Variants in TRPC7 observed in about 807,000 individuals in gnomAD.
TRPC7 encodes short transient receptor potential channel 7.
Under a neutral mutation model 90.1 loss-of-function variants are expected in TRPC7, and 42 were observed. The ratio of observed to expected loss-of-function variants is 0.47; its 90% CI spans 0.36 to 0.60. TRPC7 has a LOEUF of 0.60. TRPC7 is among the 20% of genes least tolerant of loss of function. The pLI, the probability that TRPC7 is intolerant of heterozygous loss-of-function variation, is 0.00. For missense variants in TRPC7, 955 were observed against 1,112.3 expected (o/e 0.86, Z 2.01); for synonymous variants, 451 against 436.3 (o/e 1.03, Z -0.42).
intron 3 of TRPC7, among the ~76,000 whole-genome samples, chr5:136,288,441 C>A (rs1246709936): frequency 6.9e-6 from 1 of 144,634 alleles, no homozygotes; most frequent in Admixed American, 7.0e-5. Flanking sequence ...AGTGTAACAA[C>A]ATGGAGTGGG....
intron 8 of TRPC7, among the ~76,000 whole-genome samples, chr5:136,229,224 T>G (rs1755739121): frequency 6.6e-6 from 1 of 152,220 alleles, no homozygotes; most frequent in South Asian, 2.1e-4. Context: ...ATGTGCTGTA[T>G]TTTTCTGGAG....
chr5:136,264,876 C>G (rs1756973869), intron 5 of TRPC7, among the ~76,000 whole-genome samples: 1 of 152,114 alleles, frequency 6.6e-6, no homozygotes, highest in South Asian at 2.1e-4. Context: ...CAGGTGTGAG[C>G]CACTGTGCCT....
chr5:136,278,256 C>T (rs956945357), intron 3 of TRPC7, among the ~76,000 whole-genome samples: 2 of 152,244 alleles, frequency 1.3e-5, no homozygotes, highest in East Asian at 1.9e-4. Context: ...GGAAACTCCT[C>T]CTGGAGGGCT....
chr5:136,252,850 C>T (rs1343488206), intron 5 of TRPC7, among the ~76,000 whole-genome samples: 1 of 152,222 alleles, frequency 6.6e-6, no homozygotes, highest in Non-Finnish European at 1.5e-5. Flanking sequence ...AGCTCGATTC[C>T]TAACAGGCCA....
chr5:136,358,684 C>T (rs1336595610), intron 1 of TRPC7, among the ~76,000 whole-genome samples: 4 of 152,194 alleles, frequency 2.6e-5, no homozygotes, highest in Non-Finnish European at 5.9e-5. Context: ...GCCTTGAGAC[C>T]TTGAGCAGGT....
Position 136,292,495 on chromosome 5 carries a change from A to C in TRPC7, c.964-17658T>G, listed in dbSNP as rs534358401. ...TGATCCCACAGAAATACAAACTACC[A>C]TCAGAGAATACTATAAACACCTCTA... On this transcript the variant is annotated intron_variant, in intron 3 of 11. Transcript: ENST00000513104. Among the ~76,000 whole-genome samples the C allele has an allele frequency of 5.3e-5, 8 of 152,362 alleles. No homozygotes were observed. The East Asian group carries it at 1.3e-3, about 26-fold the overall frequency.
intron 10 of TRPC7, among the ~76,000 whole-genome samples, chr5:136,219,988 A>T (rs925707093): frequency 7.2e-5 from 11 of 152,350 alleles, no homozygotes; most frequent in African/African-American, 2.6e-4. Context: ...CGGCAGAGGA[A>T]CATAAATTGT....
chr5:136,335,106 T>G (rs1257404664), intron 2 of TRPC7, among the ~76,000 whole-genome samples: 1 of 152,214 alleles, frequency 6.6e-6, no homozygotes, highest in African/African-American at 2.4e-5. Flanking sequence ...AAGATTGATA[T>G]CCACTTTGTA....
intron 2 of TRPC7, among the ~76,000 whole-genome samples, chr5:136,322,747 C>A (rs753525695): frequency 2.2e-4 from 34 of 152,170 alleles, no homozygotes; most frequent in Non-Finnish European, 8.8e-5. Flanking sequence ...TGCTCCACAT[C>A]TTTTCCTGTG....
intron 3 of TRPC7, among the ~76,000 whole-genome samples, chr5:136,300,739 T>C (rs1209706714): frequency 6.6e-6 from 1 of 152,160 alleles, no homozygotes; most frequent in Non-Finnish European, 1.5e-5. Context: ...ATCTGGATTG[T>C]TTACATAGGC....
chr5:136,316,086 G>A (rs999948435), intron 2 of TRPC7: 10 of 290,418 alleles, frequency 3.4e-5, no homozygotes, highest in Non-Finnish European at 6.4e-5. Flanking sequence ...TAGACTTACT[G>A]AGTCAGAATA....
Position 136,226,079 on chromosome 5 carries a change from G to A in TRPC7, c.2217C>T (p.Ser739=). The A allele has an allele frequency of 1.2e-6, 2 of 1,605,050 alleles. No homozygotes were observed. Among genetic ancestry groups the A allele is most frequent in the Non-Finnish European group, 1.7e-6 (2 of 1,175,354 alleles). The change falls in exon 9 of 12, where the codon AGC becomes AGT. Residue 739 remains serine, a synonymous_variant. Coordinates refer to ENST00000513104, the MANE Select transcript of TRPC7 (RefSeq NM_020389.3). The part of the protein sequence containing the change: ...LIKLCKSKAK[S]CENDLEMGML... Reference sequence around the variant, plus strand: ...TGCCCATTTCAAGGTCATTTTCACAGCTTTTGGCCTTAGATTTGCAGAGTT... The same window carrying A: ...TGCCCATTTCAAGGTCATTTTCACAACTTTTGGCCTTAGATTTGCAGAGTT...
At chr5:136,274,121 G>A (rs975785691) in intron 4 of TRPC7, among the ~76,000 whole-genome samples, 4 of 152,210 alleles carry the variant, frequency 2.6e-5, no homozygotes, top group African/African-American at 9.6e-5. Flanking sequence ...GAAGGGGCCA[G>A]GAAAACTAGG....
chr5:136,269,973 A>T (rs2149813696), intron 4 of TRPC7, among the ~76,000 whole-genome samples: 1 of 152,312 alleles, frequency 6.6e-6, no homozygotes, highest in Non-Finnish European at 1.5e-5. Flanking sequence ...CTGAAGAGGG[A>T]TTTACAAAGC....
intron 2 of TRPC7, among the ~76,000 whole-genome samples, chr5:136,346,431 C>G (rs902052540): frequency 1.3e-5 from 2 of 152,098 alleles, no homozygotes; most frequent in Non-Finnish European, 2.9e-5. Flanking sequence ...ACCAAGTTTC[C>G]TCTCTCGGCT....
At chr5:136,256,165 G>A (rs115667364) in intron 5 of TRPC7, among the ~76,000 whole-genome samples, 2,219 of 152,132 alleles carry the variant, frequency 0.015, 18 homozygotes, top group South Asian at 0.025. Context: ...GCAGTCCCTC[G>A]GCCCTGTTCA....
intron 7 of TRPC7, among the ~76,000 whole-genome samples, chr5:136,237,782 T>C (rs1393099245): frequency 6.6e-6 from 1 of 152,254 alleles, no homozygotes; most frequent in Admixed American, 6.5e-5. Context: ...ATTTTATTAC[T>C]AGTGTTCATT....
intron 3 of TRPC7, among the ~76,000 whole-genome samples, chr5:136,275,271 C>T (rs902034979): frequency 5.9e-5 from 9 of 152,054 alleles, no homozygotes; most frequent in African/African-American, 2.2e-4. Context: ...TTTTGTTCTA[C>T]CCCCTACTAG....
At chr5:136,358,492 G>A (rs1330864511) in intron 1 of TRPC7, among the ~76,000 whole-genome samples, 2 of 152,226 alleles carry the variant, frequency 1.3e-5, no homozygotes, top group South Asian at 2.1e-4. Flanking sequence ...GAGTAGGGGG[G>A]CTGAAAGACA....
Sources: allele counts gnomAD v4.1 joint callset (sites outside exome capture counted in the v4.1 genomes callset), GRCh38; gene constraint gnomAD v4.1.1; transcripts MANE v1.5; gene names NCBI Gene and HGNC (gene_info 2026-07-23, HGNC 2026-07-21).